The following TRANK1 variants were observed in gnomAD, a reference collection of about 807,000 sequenced individuals.
The protein encoded by TRANK1 is tetratricopeptide repeat and ankyrin repeat containing 1, also known as TPR and ankyrin repeat-containing protein 1.
In TRANK1, 198 loss-of-function variants were observed where a neutral mutation model predicts 266.0. The ratio of observed to expected loss-of-function variants is 0.74; its 90% CI spans 0.66 to 0.84. TRANK1 has a LOEUF of 0.84. Ranked by LOEUF, TRANK1 falls within the 40% of genes least tolerant of loss-of-function variation. The pLI, the probability that TRANK1 is intolerant of heterozygous loss-of-function variation, is 0.00. For missense variants in TRANK1, 3,326 were observed against 3,634.6 expected (o/e 0.92, Z 2.18); for synonymous variants, 1,396 against 1,384.1 (o/e 1.01, Z -0.19).
intron 8 of TRANK1, among the ~76,000 whole-genome samples, chr3:36,882,672 G>T (rs2079547851): frequency 6.6e-6 from 1 of 152,092 alleles, no homozygotes; most frequent in Non-Finnish European, 1.5e-5. Flanking sequence ...AAACCAAATT[G>T]CATGACAAAA....
intron 3 of TRANK1, among the ~76,000 whole-genome samples, chr3:36,900,238 T>C (rs1171721468): frequency 6.6e-6 from 1 of 152,156 alleles, no homozygotes; most frequent in Non-Finnish European, 1.5e-5. Context: ...AAATAATCCT[T>C]TGATTAGTGT....
At chr3:36,888,519 C>A (rs2079640081) in intron 8 of TRANK1, among the ~76,000 whole-genome samples, 1 of 152,184 alleles carries the variant, frequency 6.6e-6, no homozygotes, top group Admixed American at 6.5e-5. Flanking sequence ...AATCCATAGA[C>A]CCCTTCTCCT....
At chr3:36,842,513 C>T in intron 18 of TRANK1, 109 bp downstream of exon 18, 1 of 919,916 alleles carries the variant, frequency 1.1e-6, no homozygotes, top group Non-Finnish European at 1.7e-6. Flanking sequence ...GTGGCACAAG[C>T]ACCATTACGC....
chr3:36,856,431 G>A lies in TRANK1; in HGVS notation c.3291C>T (p.Tyr1097=), dbSNP rs745822446. The change falls in exon 13 of 24, where the codon TAC becomes TAT. Residue 1097 remains tyrosine (Y), a synonymous_variant. Coordinates refer to ENST00000645898, the MANE Select transcript of TRANK1 (RefSeq NM_001329998.2). The part of the protein sequence containing the change: ...LYRLWKKFHV[Y]WEKAEQAGSP... ...TTCCTGCCTGCTCAGCTTTTTCCCA[G>A]TAAACGTGGAATTTCTTCCACAATC... 1.2e-6 allele frequency: 2 copies of A among 1,613,750 alleles called. No individual in the cohort carries two copies. The highest frequency in any genetic ancestry group is 1.3e-5 in the African/African-American group (1 of 75,006).
chr3:36,945,065 G>A (rs2080554956), upstream of TRANK1: 1 of 438,102 alleles, frequency 2.3e-6, no homozygotes, highest in South Asian at 4.8e-5. Flanking sequence ...AAGTTTCCAC[G>A]TAGTTGCGAG....
intron 1 of TRANK1, among the ~76,000 whole-genome samples, chr3:36,938,497 G>T (rs569212719): frequency 3.9e-5 from 6 of 152,052 alleles, no homozygotes; most frequent in Admixed American, 2.0e-4. Context: ...GATTACAGGC[G>T]TGAGCCACCA....
intron 8 of TRANK1, among the ~76,000 whole-genome samples, chr3:36,878,003 C>T (rs922043373): frequency 2.0e-5 from 3 of 151,722 alleles, no homozygotes; most frequent in Non-Finnish European, 4.4e-5. Flanking sequence ...AAAGAAAAAA[C>T]ATGCGAGTCA....
At chr3:36,941,051 G>A (rs1302379409) in intron 1 of TRANK1, among the ~76,000 whole-genome samples, 3 of 152,186 alleles carry the variant, frequency 2.0e-5, no homozygotes, top group Non-Finnish European at 4.4e-5. Context: ...AGCTGAACAT[G>A]AAGGATGAGC....
chr3:36,879,214 A>T (rs2079436494), intron 8 of TRANK1, among the ~76,000 whole-genome samples: 1 of 151,990 alleles, frequency 6.6e-6, no homozygotes. Flanking sequence ...ACACAAAAAC[A>T]AAACAACCAG....
At chr3:36,911,987 G>A (rs2080058990) in intron 1 of TRANK1, among the ~76,000 whole-genome samples, 1 of 152,154 alleles carries the variant, frequency 6.6e-6, no homozygotes, top group African/African-American at 2.4e-5. Flanking sequence ...AGGAGTTCGA[G>A]ACCAGCCTGG....
chr3:36,849,353 G>T (rs566086028), intron 15 of TRANK1, among the ~76,000 whole-genome samples: 1 of 152,242 alleles, frequency 6.6e-6, no homozygotes, highest in Admixed American at 6.5e-5. Context: ...CAAAAAGAAG[G>T]CAACATCCTA....
At chr3:36,930,819 T>C (rs1378273768) in intron 1 of TRANK1, among the ~76,000 whole-genome samples, 2 of 152,146 alleles carry the variant, frequency 1.3e-5, no homozygotes, top group Admixed American at 1.3e-4. Flanking sequence ...CAGTGAACTT[T>C]CTGGAAGAAT....
At chr3:36,881,646 T>C (rs928033655) in intron 8 of TRANK1, among the ~76,000 whole-genome samples, 1 of 152,130 alleles carries the variant, frequency 6.6e-6, no homozygotes, top group Non-Finnish European at 1.5e-5. Flanking sequence ...CTATATAATT[T>C]AATTAGTTTT....
At chr3:36,899,674 T>C (rs1259869712) in intron 3 of TRANK1, among the ~76,000 whole-genome samples, 8 of 152,298 alleles carry the variant, frequency 5.3e-5, no homozygotes, top group Admixed American at 5.2e-4. Flanking sequence ...TATGTAAACA[T>C]GGATTTCTAA....
Position 36,828,340 on chromosome 3 carries a change from C to T in TRANK1, c.8845G>A (p.Glu2949Lys). 7.0e-7 allele frequency: 1 copy of T among 1,436,166 alleles called. No individual in the cohort carries two copies. The highest frequency in any genetic ancestry group is 1.5e-5 in the African/African-American group (1 of 68,032). The allele number at this position is 1,436,166 out of a possible 1,614,324, so 89.0% of individuals were successfully genotyped here. The change falls in exon 24 of 24, where the codon GAA (glutamate) becomes AAA (lysine). Residue 2949 changes from glutamate (E) to lysine (K), a missense_variant. Transcript: ENST00000645898. ...CTAGGCCGAAGCTCACCAAAGTCTT[C>T]AACTTCATTTTCATAATCATCTTCC... Reference protein sequence around the residue: ...VQEDDYENEVEDFGELRPRRR... With the variant: ...VQEDDYENEVKDFGELRPRRR...
rs1236739224 is a variant in TRANK1 at position 36,832,721 on chromosome 3, C to T, written c.6862G>A (p.Ala2288Thr). ...TTTGGTTTGAGGATTTCTTTGCATG[C>T]CATGGGGTTTTCTGACAACACTCTC... is the stretch of plus-strand genomic sequence containing the variant. ...HQRVLSENPM[A>T]CKEILKPNYK... Residue 2288 changes from alanine to threonine, a missense_variant, in exon 22 of 24, where the codon GCA becomes ACA. Transcript: ENST00000645898. 3 of 1,613,858 alleles carry T rather than the reference C, an allele frequency of 1.9e-6. No homozygotes were observed. Among genetic ancestry groups the T allele is most frequent in the Admixed American group, 3.3e-5 (2 of 60,000 alleles).
In TRANK1 at chr3:36,834,838, T is replaced by A. The variant is rs1462397573; in HGVS notation, c.5587A>T (p.Ile1863Phe). 6.2e-7 allele frequency: 1 copy of A among 1,613,684 alleles called. No homozygotes were observed. Among genetic ancestry groups the A allele is most frequent in the East Asian group, 2.2e-5 (1 of 44,884 alleles). Reference sequence around the variant, plus strand: ...TTGAGTGCTAGATCAAATTCCTGAATCTGCTCAAAGCATCTGAAAGCGTCT... The same window carrying A: ...TTGAGTGCTAGATCAAATTCCTGAAACTGCTCAAAGCATCTGAAAGCGTCT... ...YKDAFRCFEQIQEFDLALKMY... is the reference protein window; with the variant it reads ...YKDAFRCFEQFQEFDLALKMY... The change falls in exon 21 of 24, where the codon ATT (isoleucine) becomes TTT (phenylalanine). Residue 1863 changes from isoleucine (I) to phenylalanine (F), a missense_variant. Transcript: ENST00000645898.
Position 36,833,805 on chromosome 3 carries a change from T to C in TRANK1, c.5778A>G (p.Glu1926=), listed in dbSNP as rs139294530. The part of the protein sequence containing the change: ...AKYLSANKMK[E]MMAVLSKLDI... ...CTAGCTTTGAGAGGACAGCCATCAT[T>C]TCCTTCATCTTATTTGCACTCAGAT... The change falls in exon 22 of 24, where the codon GAA becomes GAG. Residue 1926 remains glutamate, a synonymous_variant. Coordinates refer to ENST00000645898, the MANE Select transcript of TRANK1 (RefSeq NM_001329998.2). The C allele has an allele frequency of 2.1e-5, 34 of 1,614,016 alleles. No homozygotes were observed. The highest frequency in any genetic ancestry group is 2.8e-5 in the Non-Finnish European group (33 of 1,179,892).
intron 15 of TRANK1, chr3:36,850,320 T>G: frequency 3.0e-6 from 3 of 985,428 alleles, no homozygotes; most frequent in Non-Finnish European, 3.6e-6. Context: ...ACAGCAATGA[T>G]ACACTAATTG....
Sources: allele counts gnomAD v4.1 joint callset (sites outside exome capture counted in the v4.1 genomes callset), GRCh38; gene constraint gnomAD v4.1.1; transcripts MANE v1.5; gene names NCBI Gene and HGNC (gene_info 2026-07-23, HGNC 2026-07-21).